TMEM178B: variants seen among roughly 807,000 people sequenced by gnomAD.
TMEM178B encodes transmembrane protein 178B.
A neutral mutation model predicts 31.0 loss-of-function variants in TMEM178B; 5 were observed. That is an observed-to-expected ratio of 0.16 (90% CI 0.08 to 0.34). The LOEUF (loss-of-function observed/expected upper bound fraction) is 0.34, where lower values mean the gene tolerates loss of function less well. Among genes scored for constraint, TMEM178B ranks in the 10% least tolerant of loss-of-function variants. TMEM178B has a pLI of 1.00. For missense variants in TMEM178B, 275 were observed against 400.3 expected (o/e 0.69, Z 2.67); for synonymous variants, 164 against 164.0 (o/e 1.00, Z 0.00).
Position 141,180,310 on chromosome 7 carries a change from A to T in TMEM178B, c.383-32281A>T, listed in dbSNP as rs558227128. 2.6e-5 allele frequency among the ~76,000 whole-genome samples: 4 copies of T among 152,120 alleles called. No individual in the cohort carries two copies. In the East Asian group the frequency reaches 7.8e-4, roughly 30 times the overall value. On this transcript the variant is annotated intron_variant, in intron 1 of 3. Transcript: ENST00000565468. ...GTCAACATGATGAAAAATGCAAAAA[A>T]TTAGCCAGGCTTGGAGGCGGGCACT...
chr7:141,230,455 A>C (rs1797423269), intron 2 of TMEM178B, among the ~76,000 whole-genome samples: 1 of 152,154 alleles, frequency 6.6e-6, no homozygotes, highest in Non-Finnish European at 1.5e-5. Context: ...AGCCACTTGT[A>C]CTTCTCCTTT....
chr7:141,262,024 C>T (rs1408046941), intron 2 of TMEM178B, among the ~76,000 whole-genome samples: 2 of 152,136 alleles, frequency 1.3e-5, no homozygotes, highest in Non-Finnish European at 2.9e-5. Context: ...CCTTACAGCT[C>T]ATCCAGTTTC....
chr7:141,323,630 T>G (rs1002125500), intron 2 of TMEM178B, among the ~76,000 whole-genome samples: 1 of 152,212 alleles, frequency 6.6e-6, no homozygotes, highest in Non-Finnish European at 1.5e-5. Context: ...TGCCAAGTAC[T>G]GTATTTTAGC....
downstream of TMEM178B, among the ~76,000 whole-genome samples, chr7:141,483,132 C>T (rs117551768): frequency 2.4e-3 from 365 of 152,288 alleles, 10 homozygotes; most frequent in East Asian, 0.049. Context: ...TCTAAATGAT[C>T]TATGGAGGTA....
chr7:141,074,110 C>G lies in TMEM178B; in HGVS notation c.-201C>G. ...GGAGCCCGCGGGAGCCTCTCCGGATCAGAACTTTTTAGGCCGCCCGCCCCC... is the reference window on the plus strand; with the variant it reads ...GGAGCCCGCGGGAGCCTCTCCGGATGAGAACTTTTTAGGCCGCCCGCCCCC... On this transcript the variant is annotated 5_prime_UTR_variant, in exon 1 of 4. In the 5' UTR this introduces an upstream ATG that the reference lacks. Coordinates refer to ENST00000565468, the MANE Select transcript of TMEM178B (RefSeq NM_001195278.2). The surrounding 1 kb of genome is among the most constrained non-coding windows in gnomAD (Gnocchi z 5.1). 4.3e-6 allele frequency: 3 copies of G among 702,414 alleles called. No individual in the cohort carries two copies. Among genetic ancestry groups the G allele is most frequent in the Non-Finnish European group, 6.2e-6 (3 of 481,196 alleles). The allele number at this position is 702,414 out of a possible 1,614,324, so 43.5% of individuals were successfully genotyped here.
intron 3 of TMEM178B, 72 bp from the exon 4 acceptor site, chr7:141,470,464 C>G: frequency 7.3e-7 from 1 of 1,375,662 alleles, no homozygotes; most frequent in Non-Finnish European, 9.5e-7. Context: ...TAACTTTTCT[C>G]TTTCTCTCTC....
intron 2 of TMEM178B, among the ~76,000 whole-genome samples, chr7:141,334,815 AG>A (rs1446970800): frequency 6.6e-6 from 1 of 152,128 alleles, no homozygotes; most frequent in African/African-American, 2.4e-5. Flanking sequence ...TATCCAGGAG[AG>A]GGTTCTATTA....
intron 3 of TMEM178B, among the ~76,000 whole-genome samples, chr7:141,440,154 G>T (rs1264999063): frequency 2.0e-5 from 3 of 152,242 alleles, no homozygotes; most frequent in Non-Finnish European, 4.4e-5. Flanking sequence ...TGTGCCTGGA[G>T]CCCTGCCCTT....
At chr7:141,312,380 A>G (rs1798926191) in intron 2 of TMEM178B, among the ~76,000 whole-genome samples, 1 of 152,248 alleles carries the variant, frequency 6.6e-6, no homozygotes, top group African/African-American at 2.4e-5. Context: ...GTTAAGAGAA[A>G]GGGATTCACA....
At position 141,236,965 on chromosome 7, in the gene TMEM178B, A is replaced by C. The variant is rs1030582687; in HGVS notation, c.496+24261A>C. Among the ~76,000 whole-genome samples the C allele has an allele frequency of 2.8e-4, 42 of 152,388 alleles. 1 individual carries two copies. The highest frequency in any genetic ancestry group is 9.9e-4 in the African/African-American group (41 of 41,598). ...GGGCATGCAAATAGATTCAGAGCCCAATAAATAAATGCATAAAGGATGTGA... is the reference window on the plus strand; with the variant it reads ...GGGCATGCAAATAGATTCAGAGCCCCATAAATAAATGCATAAAGGATGTGA... On this transcript the variant is annotated intron_variant, in intron 2 of 3. Coordinates refer to ENST00000565468, the MANE Select transcript of TMEM178B (RefSeq NM_001195278.2).
chr7:141,122,683 G>A (rs1795429106), intron 1 of TMEM178B, among the ~76,000 whole-genome samples: 1 of 152,174 alleles, frequency 6.6e-6, no homozygotes, highest in South Asian at 2.1e-4. Context: ...TGGTATGGGA[G>A]GAACCATAAT....
At chr7:141,113,695 C>G (rs1015172360) in intron 1 of TMEM178B, among the ~76,000 whole-genome samples, 4 of 152,188 alleles carry the variant, frequency 2.6e-5, no homozygotes, top group Admixed American at 2.0e-4. Context: ...CTGGGCCGTC[C>G]TCAGTCTGAG....
chr7:141,279,093 T>C (rs1197907059), intron 2 of TMEM178B, among the ~76,000 whole-genome samples: 2 of 152,202 alleles, frequency 1.3e-5, no homozygotes, highest in Non-Finnish European at 2.9e-5. Flanking sequence ...ACAGAGGTCA[T>C]ATGCTGACCG....
intron 2 of TMEM178B, among the ~76,000 whole-genome samples, chr7:141,425,871 T>G (rs190846008): frequency 3.3e-5 from 5 of 152,362 alleles, no homozygotes; most frequent in Non-Finnish European, 2.9e-5. Context: ...GCCTGTCTTC[T>G]GACCCAGAAA....
At position 141,361,275 on chromosome 7, in the gene TMEM178B, A is replaced by G. The variant is rs376565862; in HGVS notation, c.497-76333A>G. Among the ~76,000 whole-genome samples, 29 of 152,198 alleles carry G rather than the reference A, an allele frequency of 1.9e-4. No homozygotes were observed. In the East Asian group the frequency reaches 5.2e-3, roughly 27 times the overall value. ...GGCCATTTGTCTTCACCATCCCTCT[A>G]GGCTTTAGGGTGGGGAAGCAGGAAG... On this transcript the variant is annotated intron_variant, in intron 2 of 3. Coordinates refer to ENST00000565468, the MANE Select transcript of TMEM178B (RefSeq NM_001195278.2).
At chr7:141,437,470 C>A in intron 2 of TMEM178B, 138 bp from the exon 3 acceptor site, 1 of 1,137,464 alleles carries the variant, frequency 8.8e-7, no homozygotes, top group Non-Finnish European at 1.2e-6. Flanking sequence ...AGATTGTGTG[C>A]TCCTATCTGA....
intron 2 of TMEM178B, among the ~76,000 whole-genome samples, chr7:141,302,498 G>C (rs1369405698): frequency 6.6e-6 from 1 of 152,196 alleles, no homozygotes; most frequent in Non-Finnish European, 1.5e-5. Flanking sequence ...CTGGGGGAAA[G>C]AGGGAATGGG....
chr7:141,363,598 C>T (rs1043981670), intron 2 of TMEM178B, among the ~76,000 whole-genome samples: 4 of 152,184 alleles, frequency 2.6e-5, no homozygotes, highest in Non-Finnish European at 5.9e-5. Flanking sequence ...GAATGTTTTC[C>T]TGAGATGAGG....
At chr7:141,137,321 T>C (rs752562929) in intron 1 of TMEM178B, among the ~76,000 whole-genome samples, 7 of 152,170 alleles carry the variant, frequency 4.6e-5, no homozygotes, top group Non-Finnish European at 1.0e-4. Flanking sequence ...GAAGTGTCCA[T>C]CAACAGATGA....
Sources: gnomAD v4.1 joint callset for allele counts (sites outside exome capture counted in the v4.1 genomes callset) on GRCh38, gnomAD v4.1.1 for gene constraint, Gnocchi (gnomAD v3.1) non-coding constraint, MANE v1.5 for transcripts, NCBI Gene and HGNC (gene_info 2026-07-23, HGNC 2026-07-21) for gene names.